Variants in ERC2 observed in about 807,000 individuals in gnomAD.
ERC2 encodes ELKS/RAB6-interacting/CAST family member 2.
Under a neutral mutation model 114.8 loss-of-function variants are expected in ERC2, and 42 were observed. The observed-to-expected ratio is 0.37, with a 90% CI of 0.29 to 0.47. ERC2 has a LOEUF of 0.47. Among genes scored for constraint, ERC2 ranks in the 20% least tolerant of loss-of-function variants. The probability of loss-of-function intolerance (pLI) is 0.99; values close to 1 mark genes in which losing one functional copy is unlikely to be tolerated. For synonymous variants in ERC2, 454 were observed against 425.5 expected, an observed-to-expected ratio of 1.07 and a Z score of -0.82; for missense variants, 939 against 1,150.7, an observed-to-expected ratio of 0.82 and a Z score of 2.66.
intron 14 of ERC2, among the ~76,000 whole-genome samples, chr3:55,807,936 A>T (rs2059552933): frequency 6.6e-6 from 1 of 152,170 alleles, no homozygotes; most frequent in Non-Finnish European, 1.5e-5. Context: ...TTTTGGAAGT[A>T]AGGCTGCCTT....
intron 6 of ERC2, among the ~76,000 whole-genome samples, chr3:56,119,973 G>A (rs1274986790): frequency 6.6e-6 from 1 of 152,218 alleles, no homozygotes; most frequent in Non-Finnish European, 1.5e-5. Flanking sequence ...CAAAAAGGTA[G>A]AGAAGTATGG....
intron 11 of ERC2, among the ~76,000 whole-genome samples, chr3:55,986,308 G>A (rs2070629865): frequency 1.3e-5 from 2 of 152,124 alleles, no homozygotes; most frequent in African/African-American, 4.8e-5. Context: ...CCCTTCTCTG[G>A]AGGAATATTT....
intron 7 of ERC2, among the ~76,000 whole-genome samples, chr3:56,075,321 G>A (rs1365862988): frequency 6.6e-6 from 1 of 152,162 alleles, no homozygotes; most frequent in Non-Finnish European, 1.5e-5. Flanking sequence ...GCAGAGGAAA[G>A]AGGGTGAGGG....
intron 2 of ERC2, among the ~76,000 whole-genome samples, chr3:56,416,656 G>GA (rs1174645111): frequency 3.3e-5 from 3 of 90,200 alleles, no homozygotes; most frequent in Non-Finnish European, 6.3e-5. Flanking sequence ...AACAAAACAT[G>GA]ATTAAAAAAA....
chr3:55,729,836 GC>G (rs2065136175), intron 15 of ERC2, among the ~76,000 whole-genome samples: 1 of 3,948 alleles, frequency 2.5e-4, no homozygotes, highest in African/African-American at 2.0e-3. Flanking sequence ...AGACTCTATC[GC>G]AAAAAAAAAA....
At chr3:55,794,094 G>T (rs868574654) in intron 14 of ERC2, among the ~76,000 whole-genome samples, 1 of 152,120 alleles carries the variant, frequency 6.6e-6, no homozygotes, top group Non-Finnish European at 1.5e-5. Context: ...TAATGTTATG[G>T]CACCCTCTTT....
intron 7 of ERC2, among the ~76,000 whole-genome samples, chr3:56,020,821 T>C (rs887986142): frequency 3.3e-5 from 5 of 152,272 alleles, no homozygotes; most frequent in African/African-American, 1.2e-4. Flanking sequence ...CAAAGGACTT[T>C]GGGCACGAGA....
At chr3:55,661,944 C>G (rs952387981) in intron 17 of ERC2, among the ~76,000 whole-genome samples, 2 of 152,020 alleles carry the variant, frequency 1.3e-5, no homozygotes, top group Admixed American at 1.3e-4. Flanking sequence ...TTTTCACTTT[C>G]TGTTTAATAA....
At chr3:55,559,629 G>T (rs1236651143) in intron 17 of ERC2, among the ~76,000 whole-genome samples, 4 of 152,224 alleles carry the variant, frequency 2.6e-5, no homozygotes, top group Admixed American at 2.6e-4. Flanking sequence ...ACTGTCAGGG[G>T]TGCAACCTAG....
In ERC2 at chr3:56,030,658, A is replaced by T. The variant is rs545376189; in HGVS notation, c.1642-11627T>A. 1.1e-4 allele frequency among the ~76,000 whole-genome samples: 16 copies of T among 152,348 alleles called. No individual in the cohort carries two copies. The East Asian group carries it at 3.1e-3, about 29-fold the overall frequency. ...TTGCATTTTAAAAATTAATGTTAGA[A>T]CAAAGAGTGATGTCAGTAAGATGGC... On this transcript the variant is annotated intron_variant, in intron 7 of 17. Coordinates refer to ENST00000288221, the MANE Select transcript of ERC2 (RefSeq NM_015576.3).
intron 2 of ERC2, among the ~76,000 whole-genome samples, chr3:56,384,363 T>A (rs1475536369): frequency 6.6e-6 from 1 of 152,188 alleles, no homozygotes; most frequent in Non-Finnish European, 1.5e-5. Context: ...TCACCAACAC[T>A]TGCTATTTTG....
intron 14 of ERC2, among the ~76,000 whole-genome samples, chr3:55,772,530 A>G (rs376458739): frequency 2.0e-5 from 3 of 152,280 alleles, no homozygotes; most frequent in African/African-American, 7.2e-5. Context: ...GTTAGCCAGG[A>G]TGGTCTCGAT....
At chr3:55,837,978 AAAG>A (rs1002497152) in intron 14 of ERC2, among the ~76,000 whole-genome samples, 2 of 152,000 alleles carry the variant, frequency 1.3e-5, no homozygotes, top group African/African-American at 4.8e-5. Flanking sequence ...AATTAAAAAA[AAAG>A]AGTCCCTAGT....
Position 55,736,627 on chromosome 3 carries a change from T to C in ERC2, c.2565-1709A>G, listed in dbSNP as rs543818804. ...CACCAATTCTCAAGCTTCTAGAAGA[T>C]CCCTCAGCACATAGCGAGTGCTCAA... On this transcript the variant is annotated intron_variant, in intron 14 of 17. Coordinates refer to ENST00000288221, the MANE Select transcript of ERC2 (RefSeq NM_015576.3). 3.9e-5 allele frequency among the ~76,000 whole-genome samples: 6 copies of C among 152,276 alleles called. No homozygotes were observed. In the East Asian group the frequency reaches 1.2e-3, roughly 29 times the overall value.
chr3:55,836,883 A>G (rs1343099131), intron 14 of ERC2, among the ~76,000 whole-genome samples: 2 of 152,220 alleles, frequency 1.3e-5, no homozygotes, highest in Admixed American at 6.5e-5. Context: ...TCCAGAATCT[A>G]CAATGAACTC....
intron 13 of ERC2, among the ~76,000 whole-genome samples, chr3:55,892,714 T>C (rs1037390635): frequency 6.6e-6 from 1 of 152,214 alleles, no homozygotes; most frequent in African/African-American, 2.4e-5. Context: ...GCACATATAA[T>C]TGAGATGCTA....
intron 2 of ERC2, among the ~76,000 whole-genome samples, chr3:56,357,466 C>A (rs895138233): frequency 1.3e-5 from 2 of 152,146 alleles, no homozygotes; most frequent in African/African-American, 4.8e-5. Context: ...CCTCTACAGC[C>A]TGCATAGGCC....
At chr3:55,928,775 T>C (rs1488291589) in intron 13 of ERC2, among the ~76,000 whole-genome samples, 3 of 152,214 alleles carry the variant, frequency 2.0e-5, no homozygotes, top group Non-Finnish European at 4.4e-5. Flanking sequence ...CATTTTGATT[T>C]GATTTTTGTA....
rs112859822 is a variant in ERC2, at chr3:56,132,427, A to C, written c.1473+7082T>G. On this transcript the variant is annotated intron_variant, in intron 6 of 17. Coordinates refer to ENST00000288221, the MANE Select transcript of ERC2 (RefSeq NM_015576.3). ...TCATCTGTGACTCAGAGACAGAAAA[A>C]TGCTGCCACGGGCTCAGAAAACACC... 3.5e-3 allele frequency among the ~76,000 whole-genome samples: 538 copies of C among 152,314 alleles called. 1 individual carries two copies. The highest frequency in any genetic ancestry group is 0.012 in the African/African-American group (519 of 41,576).
Sources: allele counts gnomAD v4.1 joint callset (sites outside exome capture counted in the v4.1 genomes callset), GRCh38; gene constraint gnomAD v4.1.1; transcripts MANE v1.5; gene names NCBI Gene and HGNC (gene_info 2026-07-23, HGNC 2026-07-21).